CEP131: variants seen among roughly 807,000 people sequenced by gnomAD.
CEP131 encodes centrosomal protein of 131 kDa.
A neutral mutation model predicts 136.8 loss-of-function variants in CEP131; 99 were observed. The ratio of observed to expected loss-of-function variants is 0.72; its 90% CI spans 0.62 to 0.86. The LOEUF (loss-of-function observed/expected upper bound fraction) is 0.86. Among genes scored for constraint, CEP131 ranks in the 40% least tolerant of loss-of-function variants. The pLI, the probability that CEP131 is intolerant of heterozygous loss-of-function variation, is 0.00. For missense variants in CEP131, 1,459 were observed against 1,463.0 expected (o/e 1.00, Z 0.04); for synonymous variants, 646 against 612.7 (o/e 1.05, Z -0.80).
At chr17:81,195,799 G>A in intron 16 of CEP131, 36 bp downstream of exon 16, 1 of 1,571,532 alleles carries the variant, frequency 6.4e-7, no homozygotes, top group Non-Finnish European at 8.6e-7. Context: ...TGTGAGCCGG[G>A]CTTGGGACGC....
chr17:81,197,206 GC>G, intron 13 of CEP131, 151 bp from the exon 14 acceptor site: 1 of 1,158,102 alleles, frequency 8.6e-7, no homozygotes, highest in Non-Finnish European at 1.2e-6. Flanking sequence ...GTGGCAGGCG[GC>G]CCAGCAGAGG....
rs1177723546 is a variant in CEP131 at position 81,215,193 on chromosome 17, C to T, written c.177+4687G>A. Among the ~76,000 whole-genome samples the T allele has an allele frequency of 6.6e-6, 1 of 152,018 alleles. No homozygotes were observed. The highest frequency in any genetic ancestry group is 2.4e-5 in the African/African-American group (1 of 41,402). ...ACTGCAGCCTCAAACTTTCTGGGTT[C>T]AAGCCATCCTCCTGCCCCAGCCTCC... On this transcript the variant is annotated intron_variant, in intron 2 of 25. Coordinates refer to ENST00000450824, the MANE Select transcript of CEP131 (RefSeq NM_014984.4). This position sits in a 1 kb window ranked among gnomAD's most constrained non-coding sequence, Gnocchi z 4.1.
rs770178868 is a variant in CEP131, at chr17:81,198,200, T to C, written c.1385A>G (p.His462Arg). 1.3e-6 allele frequency: 2 copies of C among 1,590,684 alleles called. No individual in the cohort carries two copies. The highest frequency in any genetic ancestry group is 2.3e-5 in the East Asian group (1 of 43,402). Reference sequence around the variant, plus strand: ...CTCCTTCTCCAGCAGCTGCAGTGTGTGCAGCAGCTCCTCCAGTGGCCCCCT... The same window carrying C: ...CTCCTTCTCCAGCAGCTGCAGTGTGCGCAGCAGCTCCTCCAGTGGCCCCCT... Reference protein sequence around the residue: ...KSRGPLEELLHTLQLLEKEPD... With the variant: ...KSRGPLEELLRTLQLLEKEPD... Residue 462 changes from histidine (H) to arginine (R), a missense_variant, in exon 12 of 26, where the codon CAC becomes CGC. Physicochemically the swap from His to Arg is conservative, Grantham distance 29. Around this residue, in one of 3 missense-constraint regions of CEP131, gnomAD observed 1,026 missense variants for 964.2 expected, o/e 1.06. Transcript: ENST00000450824.
At chr17:81,192,685 G>GGGGGGGGGGGGGGGGCC (rs2061669246) in intron 19 of CEP131, 51 bp downstream of exon 19, 5 of 478,390 alleles carry the variant, frequency 1.0e-5, no homozygotes, top group Non-Finnish European at 2.0e-5. Context: ...GGGGGGAGGG[G>GGGGGGGGGGGGGGGGCC]TCAGCCAGCG....
At chr17:81,214,416 C>G (rs1378170105) in intron 2 of CEP131, among the ~76,000 whole-genome samples, 4 of 151,942 alleles carry the variant, frequency 2.6e-5, no homozygotes, top group Admixed American at 2.0e-4. Flanking sequence ...CTTAGCCCGG[C>G]ATGGTGGCAG....
chr17:81,191,521 C>T lies in CEP131; in HGVS notation c.2623-186G>A, dbSNP rs145509550. ...TGTCAGGACCCAGTGTGGGCATAGGCGTACCAGAGATCGTCATGATGCACA... is the reference window on the plus strand; with the variant it reads ...TGTCAGGACCCAGTGTGGGCATAGGTGTACCAGAGATCGTCATGATGCACA... On this transcript the variant is annotated intron_variant, in intron 21 of 25. Transcript: ENST00000450824. 7.2e-3 allele frequency among the ~76,000 whole-genome samples: 1,091 copies of T among 152,256 alleles called. 13 individuals are homozygous for T. The highest frequency in any genetic ancestry group is 0.024 in the African/African-American group (1,010 of 41,546).
chr17:81,213,149 T>C (rs1394816140), intron 2 of CEP131, among the ~76,000 whole-genome samples: 1 of 152,208 alleles, frequency 6.6e-6, no homozygotes, highest in African/African-American at 2.4e-5. Context: ...CACCTGAAAG[T>C]TCCCAGTGGC....
Position 81,211,641 on chromosome 17 carries a change from C to T in CEP131, c.178-2619G>A, listed in dbSNP as rs150095640. ...TTGGGCCAGCCTGAGGGTCTAAATA[C>T]GTGATTTGTGGCCAGGCGTGGTGGC... On this transcript the variant is annotated intron_variant, in intron 2 of 25. Coordinates refer to ENST00000450824, the MANE Select transcript of CEP131 (RefSeq NM_014984.4). Among the ~76,000 whole-genome samples, 512 of 152,272 alleles carry T rather than the reference C, an allele frequency of 3.4e-3. 1 individual carries two copies. Among genetic ancestry groups the T allele is most frequent in the African/African-American group, 0.011 (477 of 41,546 alleles).
Position 81,191,173 on chromosome 17 carries a change from C to T in CEP131, c.2765+20G>A, listed in dbSNP as rs1467861636. ...TCGTGGGCCTCCCCAGCTGGTGACC[C>T]AGCCATGGCGGGTCCTTACCGGCTC... On this transcript the variant is annotated intron_variant, in intron 22 of 25. Coordinates refer to ENST00000450824, the MANE Select transcript of CEP131 (RefSeq NM_014984.4). 1.2e-6 allele frequency: 2 copies of T among 1,611,066 alleles called. No homozygotes were observed. The highest frequency in any genetic ancestry group is 1.7e-6 in the Non-Finnish European group (2 of 1,178,906).
intron 24 of CEP131, among the ~76,000 whole-genome samples, chr17:81,190,202 T>G (rs546579034): frequency 6.6e-6 from 1 of 152,260 alleles, no homozygotes; most frequent in South Asian, 2.1e-4. Context: ...TGGGGAGGCC[T>G]GGTACCCAGA....
Position 81,205,070 on chromosome 17 carries a change from C to A in CEP131, c.516-1463G>T, listed in dbSNP as rs906868880. Among the ~76,000 whole-genome samples, 7 of 152,040 alleles carry A rather than the reference C, an allele frequency of 4.6e-5. 1 individual carries two copies. In the South Asian group the frequency reaches 1.5e-3, roughly 32 times the overall value. On this transcript the variant is annotated intron_variant, in intron 5 of 25. Transcript: ENST00000450824. The stretch of plus-strand genomic sequence containing the variant: ...GGTTAGGGGTTCGAGACCAGTCTGG[C>A]CAACATAGCGAAACCCCGTCTCTAC...
intron 2 of CEP131, among the ~76,000 whole-genome samples, chr17:81,216,680 C>T (rs1207093670): frequency 2.0e-5 from 3 of 152,198 alleles, no homozygotes; most frequent in South Asian, 2.1e-4. Flanking sequence ...AGGAGAGGCC[C>T]GCAAGGTCGG....
At chr17:81,194,175 G>T in intron 17 of CEP131, 48 bp from the exon 18 acceptor site, 1 of 1,441,562 alleles carries the variant, frequency 6.9e-7, no homozygotes, top group South Asian at 1.5e-5. Context: ...GGGTGGGCCC[G>T]GGAAGTCCAA....
intron 7 of CEP131, 53 bp downstream of exon 7, chr17:81,202,187 C>A: frequency 8.5e-7 from 1 of 1,177,034 alleles, no homozygotes; most frequent in Non-Finnish European, 1.1e-6. Context: ...TGATGCCTGC[C>A]CACCTCTGTG....
intron 22 of CEP131, 53 bp from the exon 23 acceptor site, chr17:81,191,137 T>C: frequency 1.9e-6 from 3 of 1,605,870 alleles, no homozygotes; most frequent in Non-Finnish European, 1.7e-6. Flanking sequence ...CACGGGTCCT[T>C]GCGCCTCAGC....
intron 2 of CEP131, among the ~76,000 whole-genome samples, chr17:81,212,412 T>G (rs1344203410): frequency 1.3e-5 from 2 of 150,816 alleles, no homozygotes; most frequent in Admixed American, 1.3e-4. Context: ...GAGGGCGAGG[T>G]GCTGTCCAAG....
At chr17:81,222,029 G>C (rs1371538297) in intron 1 of CEP131, among the ~76,000 whole-genome samples, 3 of 152,192 alleles carry the variant, frequency 2.0e-5, no homozygotes, top group African/African-American at 7.2e-5. Context: ...ACTTCCGGCT[G>C]TGCGGAAGAA....
chr17:81,199,236 G>T (rs988229705), intron 10 of CEP131, 145 bp downstream of exon 10: 1 of 1,022,696 alleles, frequency 9.8e-7, no homozygotes, highest in Non-Finnish European at 1.4e-6. Context: ...CAGGTCAGCT[G>T]GGGGCCAAGG....
intron 4 of CEP131, 39 bp downstream of exon 4, chr17:81,207,086 C>T (rs2062023674): frequency 6.3e-7 from 1 of 1,585,080 alleles, no homozygotes; most frequent in South Asian, 1.1e-5. Flanking sequence ...ACAATCCCAT[C>T]ACAGAGACCA....
Sources: gnomAD v4.1 joint callset for allele counts (sites outside exome capture counted in the v4.1 genomes callset) on GRCh38, gnomAD v4.1.1 for gene constraint, gnomAD v4.1.1 regional missense constraint, Gnocchi (gnomAD v3.1) non-coding constraint, MANE v1.5 for transcripts, NCBI Gene and HGNC (gene_info 2026-07-23, HGNC 2026-07-21) for gene names.